The following USP2 variants were observed in gnomAD, a reference collection of about 807,000 sequenced individuals.
USP2 encodes ubiquitin specific peptidase 2.
In USP2, 33 loss-of-function variants were observed where a neutral mutation model predicts 72.0. The observed-to-expected ratio is 0.46, with a 90% CI of 0.35 to 0.61. The LOEUF (loss-of-function observed/expected upper bound fraction) is 0.61, where lower values mean the gene tolerates loss of function less well. USP2 is among the 20% of genes least tolerant of loss of function. The pLI, the probability that USP2 is intolerant of heterozygous loss-of-function variation, is 0.01. For missense variants in USP2, 691 were observed against 797.8 expected, an observed-to-expected ratio of 0.87 and a Z score of 1.61; for synonymous variants, 296 against 312.5, an observed-to-expected ratio of 0.95 and a Z score of 0.56.
Position 119,378,902 on chromosome 11 carries a change from C to T in USP2, c.-42+2571G>A, listed in dbSNP as rs370338722. The T allele has an allele frequency of 2.3e-4, 196 of 870,500 alleles. No individual in the cohort carries two copies. In the African/African-American group the frequency reaches 2.9e-3, roughly 13 times the overall value. The allele number at this position is 870,500 out of a possible 1,614,324, so 53.9% of individuals were successfully genotyped here. The stretch of plus-strand genomic sequence containing the variant: ...CTTTGGTCTTGCCCCTGACACCCAC[C>T]GGGCCCAATGGGGTGGCCTCTCACA... On this transcript the variant is annotated intron_variant, in intron 1 of 12. Transcript: ENST00000260187.
intron 1 of USP2, among the ~76,000 whole-genome samples, chr11:119,377,428 G>A (rs1418952765): frequency 2.0e-5 from 3 of 152,188 alleles, no homozygotes; most frequent in Non-Finnish European, 4.4e-5. Context: ...ACAGCATGCG[G>A]TGTACAGACT....
chr11:119,364,901 G>T (rs181464438), intron 2 of USP2, among the ~76,000 whole-genome samples: 1 of 152,096 alleles, frequency 6.6e-6, no homozygotes, highest in African/African-American at 2.4e-5. Flanking sequence ...ACCCAGCTCC[G>T]GCTCTCCCAT....
chr11:119,373,290 C>G lies in USP2; in HGVS notation c.191G>C (p.Arg64Pro), dbSNP rs141614167. 3 of 1,613,780 alleles carry G rather than the reference C, an allele frequency of 1.9e-6. No homozygotes were observed. Among genetic ancestry groups the G allele is most frequent in the South Asian group, 1.1e-5 (1 of 91,072 alleles). Residue 64 changes from arginine to proline, a missense_variant, in exon 2 of 13, where the codon CGT becomes CCT. Coordinates refer to ENST00000260187, the MANE Select transcript of USP2 (RefSeq NM_004205.5). ...CAGGAGGGAGGAGGGGCCATAGGTA[C>G]GGGGACGGGTGAGGAAGCTGCTGGT... ...VPTSSFLTRP[R>P]TYGPSSLLDY...
chr11:119,377,566 G>A (rs1951017123), intron 1 of USP2, among the ~76,000 whole-genome samples: 1 of 152,178 alleles, frequency 6.6e-6, no homozygotes, highest in African/African-American at 2.4e-5. Context: ...CACCCACTGT[G>A]CCAAGCCCCT....
rs1264339954 is a variant in USP2, at chr11:119,359,270, G to T, written c.1022C>A (p.Thr341Asn). 1.2e-6 allele frequency: 2 copies of T among 1,614,004 alleles called. No homozygotes were observed. Among genetic ancestry groups the T allele is most frequent in the South Asian group, 2.2e-5 (2 of 91,068 alleles). The change falls in exon 5 of 13, where the codon ACC becomes AAC. Residue 341 changes from threonine (T) to asparagine (N), a missense_variant. Thr to Asn is a moderately conservative substitution (Grantham distance 65, BLOSUM62 0). Coordinates refer to ENST00000260187, the MANE Select transcript of USP2 (RefSeq NM_004205.5). ...GCGCGGTGCGTATCTCTGGATCTGGGTCTTGAACTCAGATGGGCTCACCAC... is the reference window on the plus strand; with the variant it reads ...GCGCGGTGCGTATCTCTGGATCTGGTTCTTGAACTCAGATGGGCTCACCAC... ...NDVVSPSEFK[T>N]QIQRYAPRFV...
chr11:119,357,948 AT>A, intron 9 of USP2, 32 bp downstream of exon 9: 1 of 1,614,108 alleles, frequency 6.2e-7, no homozygotes, highest in Non-Finnish European at 8.5e-7. Flanking sequence ...TCCCACGGAA[AT>A]TTGTTCTTGC....
At chr11:119,364,866 C>A (rs562293419) in intron 2 of USP2, among the ~76,000 whole-genome samples, 19 of 152,284 alleles carry the variant, frequency 1.2e-4, no homozygotes, top group African/African-American at 4.6e-4. Context: ...TGAAAAGAAC[C>A]TTTTCTGGTC....
chr11:119,372,982 C>T lies in USP2; in HGVS notation c.499G>A (p.Gly167Ser), dbSNP rs1950952787. 1.2e-6 allele frequency: 2 copies of T among 1,613,722 alleles called. No individual in the cohort carries two copies. The highest frequency in any genetic ancestry group is 1.7e-6 in the Non-Finnish European group (2 of 1,180,030). The change falls in exon 2 of 13, where the codon GGC becomes AGC. Residue 167 changes from glycine to serine, a missense_variant. Coordinates refer to ENST00000260187, the MANE Select transcript of USP2 (RefSeq NM_004205.5). ...GTCCGGGCCAGCATGGGGCTGCGGC[C>T]CAGGTTCCTGGGGTCTATCCGGTAG... ...DSYRIDPRNL[G>S]RSPMLARTRK...
At chr11:119,376,708 C>T (rs1001150561) in intron 1 of USP2, among the ~76,000 whole-genome samples, 8 of 152,286 alleles carry the variant, frequency 5.3e-5, no homozygotes, top group Non-Finnish European at 1.0e-4. Flanking sequence ...GGCTTCCTGT[C>T]AGGGCATCTG....
chr11:119,370,225 G>A (rs1230916041), intron 2 of USP2, among the ~76,000 whole-genome samples: 2 of 152,164 alleles, frequency 1.3e-5, no homozygotes, highest in African/African-American at 4.8e-5. Flanking sequence ...AATTGTGAAG[G>A]CACTGAAGGC....
intron 2 of USP2, among the ~76,000 whole-genome samples, chr11:119,361,380 AACCT>A (rs1950762534): frequency 6.6e-6 from 1 of 152,180 alleles, no homozygotes; most frequent in Non-Finnish European, 1.5e-5. Flanking sequence ...GGAGTCAGAA[AACCT>A]TCAGGCTCAA....
intron 2 of USP2, among the ~76,000 whole-genome samples, chr11:119,365,798 T>C (rs981746435): frequency 2.0e-5 from 3 of 152,212 alleles, no homozygotes; most frequent in Non-Finnish European, 2.9e-5. Flanking sequence ...TAAGTACTTA[T>C]TAGATCCCAG....
intron 1 of USP2, among the ~76,000 whole-genome samples, chr11:119,380,081 A>T (rs1951043853): frequency 6.6e-6 from 1 of 151,674 alleles, no homozygotes; most frequent in African/African-American, 2.4e-5. Context: ...CGCCCGGCTA[A>T]TTTTTTTGTA....
chr11:119,369,133 T>C (rs1435620992), intron 2 of USP2, among the ~76,000 whole-genome samples: 3 of 152,160 alleles, frequency 2.0e-5, no homozygotes, highest in Non-Finnish European at 2.9e-5. Flanking sequence ...CCACCATCAC[T>C]GTTCCTCCTC....
At chr11:119,358,684 C>T (rs888803479) in intron 7 of USP2, 89 bp downstream of exon 7, 126 of 1,477,724 alleles carry the variant, frequency 8.5e-5, no homozygotes, top group Admixed American at 6.5e-4. Flanking sequence ...CAGGCTTCCC[C>T]GGGAGAGTGA....
intron 1 of USP2, among the ~76,000 whole-genome samples, chr11:119,379,692 G>C (rs923091720): frequency 3.9e-5 from 6 of 152,086 alleles, no homozygotes; most frequent in African/African-American, 1.2e-4. Context: ...TATTTAATCT[G>C]CAAAACGGGA....
chr11:119,360,159 A>G (rs751358570), intron 3 of USP2, 25 bp downstream of exon 3: 15 of 1,611,780 alleles, frequency 9.3e-6, no homozygotes, highest in Non-Finnish European at 1.2e-5. Context: ...GGGCCTGGGG[A>G]AGAAGCAGGC....
chr11:119,374,668 C>T lies in USP2; in HGVS notation c.-41-1147G>A, dbSNP rs956721218. Among the ~76,000 whole-genome samples, 7 of 152,122 alleles carry T rather than the reference C, an allele frequency of 4.6e-5. No individual in the cohort carries two copies. In the South Asian group the frequency reaches 6.2e-4, roughly 14 times the overall value. ...CCCAGAGGCCTTCCATCACCGTAAA[C>T]GTGCAGCCTGTATCCAATGGAGCTG... On this transcript the variant is annotated intron_variant, in intron 1 of 12. Transcript: ENST00000260187.
In USP2 at chr11:119,373,566, C is replaced by T. The variant is rs115004466; in HGVS notation, c.-41-45G>A. 2,210 of 1,449,310 alleles carry T rather than the reference C, an allele frequency of 1.5e-3. 29 individuals are homozygous for T. In the African/African-American group the frequency reaches 0.028, roughly 18 times the overall value. The allele number at this position is 1,449,310 out of a possible 1,614,324, so 89.8% of individuals were successfully genotyped here. A position where few individuals can be genotyped will look rare whatever the true frequency, so the allele number is the denominator to read the frequency against. On this transcript the variant is annotated intron_variant, in intron 1 of 12. Transcript: ENST00000260187. ...GTTGTCAGAGGGCCCTGCCAGGTGT[C>T]GGGCTCCCACAGACCTGCTCCCCAT... is the stretch of plus-strand genomic sequence containing the variant.
Sources: gnomAD v4.1 joint callset for allele counts (sites outside exome capture counted in the v4.1 genomes callset) on GRCh38, gnomAD v4.1.1 for gene constraint, MANE v1.5 for transcripts, NCBI Gene and HGNC (gene_info 2026-07-23, HGNC 2026-07-21) for gene names.